Variants in EIF2B5 observed in about 807,000 individuals in gnomAD.
EIF2B5 encodes the protein translation initiation factor eIF2B subunit epsilon.
In EIF2B5, 38 loss-of-function variants were observed where a neutral mutation model predicts 87.3. The ratio of observed to expected loss-of-function variants is 0.44; its 90% CI spans 0.34 to 0.57. The LOEUF (loss-of-function observed/expected upper bound fraction) is 0.57, where lower values mean the gene tolerates loss of function less well. Among genes scored for constraint, EIF2B5 ranks in the 20% least tolerant of loss-of-function variants. EIF2B5 has a pLI of 0.02. For synonymous variants in EIF2B5, 313 were observed against 339.6 expected (o/e 0.92, Z 0.86); for missense variants, 784 against 909.5 (o/e 0.86, Z 1.78).
chr3:184,135,461 G>T lies in EIF2B5; in HGVS notation c.76G>T (p.Gly26Cys). The T allele has an allele frequency of 6.3e-7, 1 of 1,580,540 alleles. No homozygotes were observed. The highest frequency in any genetic ancestry group is 2.3e-5 in the East Asian group (1 of 43,752). The change falls in exon 1 of 16, where the codon GGC becomes TGC. Residue 26 changes from glycine (G) to cysteine (C), a missense_variant. Around this residue, in one of 3 missense-constraint regions of EIF2B5, gnomAD observed 117 missense variants for 101.0 expected, o/e 1.16. Coordinates refer to ENST00000648915, the MANE Select transcript of EIF2B5 (RefSeq NM_003907.3). ...CAAGCGCAGCGGCGCGGGGCCGGGA[G>T]GCAGCGGTGGCGGGGGAGCCAGAGG... ...ANKRSGAGPG[G>C]SGGGGARGAE...
chr3:184,143,876 G>T, intron 13 of EIF2B5: 1 of 736,694 alleles, frequency 1.4e-6, no homozygotes, highest in East Asian at 2.5e-5. Flanking sequence ...GGTGGGAATA[G>T]GTATTTTGAG....
chr3:184,144,042 G>A, intron 13 of EIF2B5, 57 bp from the exon 14 acceptor site: 1 of 1,613,444 alleles, frequency 6.2e-7, no homozygotes. Flanking sequence ...TTGCTTGGAT[G>A]TCCAGGTATA....
rs180808873 is a variant in EIF2B5 at position 184,144,616 on chromosome 3, A to G, written c.2015A>G (p.Gln672Arg). 3 of 1,614,160 alleles carry G rather than the reference A, an allele frequency of 1.9e-6. No homozygotes were observed. Among genetic ancestry groups the G allele is most frequent in the East Asian group, 4.5e-5 (2 of 44,882 alleles). ...TTGCAGGTACTGATGGCTTTCTACC[A>G]GCTGGAGATCCTGGCTGAGGAAACA... ...SMAKVLMAFY[Q>R]LEILAEETIL... The change falls in exon 15 of 16, where the codon CAG becomes CGG. Residue 672 changes from glutamine (Q) to arginine (R), a missense_variant. By Grantham distance (43) the Gln-to-Arg change is conservative. Coordinates refer to ENST00000648915, the MANE Select transcript of EIF2B5 (RefSeq NM_003907.3).
Position 184,140,748 on chromosome 3 carries a change from A to AT in EIF2B5, c.1156+19dup, listed in dbSNP as rs1475380072. The AT allele has an allele frequency of 6.2e-7, 1 of 1,613,610 alleles. No homozygotes were observed. The highest frequency in any genetic ancestry group is 1.1e-5 in the South Asian group (1 of 91,060). On this transcript the variant is annotated intron_variant, in intron 7 of 15. Transcript: ENST00000648915. ...CCACATTGGTGAGCACAGGTGGGGA[A>AT]TCAAGCCAACTATCCTAGGAACAGG...
chr3:184,140,205 G>T, intron 6 of EIF2B5, 48 bp downstream of exon 6: 1 of 1,562,904 alleles, frequency 6.4e-7, no homozygotes, highest in South Asian at 1.1e-5. Context: ...AGAAGGCTAT[G>T]ATTGTATCTC....
Position 184,142,153 on chromosome 3 carries a change from A to C in EIF2B5, c.1302+83A>C. 2 of 1,613,940 alleles carry C rather than the reference A, an allele frequency of 1.2e-6. No individual in the cohort carries two copies. Among genetic ancestry groups the C allele is most frequent in the Non-Finnish European group, 1.7e-6 (2 of 1,179,918 alleles). On this transcript the variant is annotated intron_variant, in intron 8 of 15. Transcript: ENST00000648915. This position sits in a 1 kb window ranked among gnomAD's most constrained non-coding sequence, Gnocchi z 5.0. ...CAGAAGGGGCATTATTTCCACCCAT[A>C]ATCCTGTCTAAAAAAGTTGCTCTCA... is the stretch of plus-strand genomic sequence containing the variant.
rs200443670 is a variant in EIF2B5 at position 184,138,008 on chromosome 3, A to C, written c.617A>C (p.Asp206Ala). Residue 206 changes from aspartate to alanine, a missense_variant, in exon 4 of 16, where the codon GAT becomes GCT. Transcript: ENST00000648915. ...GAAGACAATGTGGTAGTGGCTGTGG[A>C]TAGTACCACAAACAGGGTTCTCCAT... ...CHEDNVVVAVDSTTNRVLHFQ... is the reference protein window; with the variant it reads ...CHEDNVVVAVASTTNRVLHFQ... The C allele has an allele frequency of 1.1e-5, 18 of 1,614,006 alleles. No individual in the cohort carries two copies. The highest frequency in any genetic ancestry group is 1.5e-5 in the Non-Finnish European group (18 of 1,180,042).
At position 184,136,745 on chromosome 3, in the gene EIF2B5, C is replaced by T. The variant is rs116835002; in HGVS notation, c.320+9C>T. The T allele has an allele frequency of 1.4e-4, 234 of 1,614,158 alleles. 1 individual carries two copies. The African/African-American group carries it at 2.5e-3, about 17-fold the overall frequency. On this transcript the variant is annotated intron_variant, in intron 2 of 15. Transcript: ENST00000648915. ...ATCAAAGAACATTTACTGTAAGGCC[C>T]TGCAACTTTTCTTTCCATGTTTCGC...
At position 184,137,958 on chromosome 3, in the gene EIF2B5, C is replaced by T; in HGVS notation, c.567C>T (p.Ser189=). 6.2e-7 allele frequency: 1 copy of T among 1,614,160 alleles called. No homozygotes were observed. The part of the protein sequence containing the change: ...SVMTMIFKES[S]PSHPTRCHED... ...TGACGATGATCTTCAAGGAGTCATCCCCCAGCCACCCAACTCGTTGCCACG... is the reference window on the plus strand; with the variant it reads ...TGACGATGATCTTCAAGGAGTCATCTCCCAGCCACCCAACTCGTTGCCACG... The change falls in exon 4 of 16, where the codon TCC becomes TCT. Residue 189 remains serine, a synonymous_variant. Coordinates refer to ENST00000648915, the MANE Select transcript of EIF2B5 (RefSeq NM_003907.3).
intron 12 of EIF2B5, 127 bp downstream of exon 12, chr3:184,143,269 T>C (rs984535471): frequency 6.8e-7 from 1 of 1,463,236 alleles, no homozygotes; most frequent in African/African-American, 1.4e-5. Context: ...CAGTAGTATT[T>C]GGAGCAAGGA....
At chr3:184,144,548 T>C in intron 14 of EIF2B5, 49 bp from the exon 15 acceptor site, 1 of 1,534,328 alleles carries the variant, frequency 6.5e-7, no homozygotes, top group Non-Finnish European at 9.0e-7. Flanking sequence ...TAGAGTATCC[T>C]GCTGGACTTT....
intron 1 of EIF2B5, 57 bp from the exon 2 acceptor site, chr3:184,136,555 G>T: frequency 6.2e-7 from 1 of 1,610,320 alleles, no homozygotes; most frequent in Middle Eastern, 1.7e-4. Flanking sequence ...AATTGTTGCA[G>T]TGGGGTACCC....
rs184067742 is a variant in EIF2B5 at position 184,138,885 on chromosome 3, C to T, written c.765+639C>T. On this transcript the variant is annotated intron_variant, in intron 5 of 15. Transcript: ENST00000648915. ...CCATGTTGTCCGGCCTGGTCACGAA[C>T]TCCTGAGCTCAAGCAATCTGACCAC... 9.7e-4 allele frequency: 286 copies of T among 294,096 alleles called. 1 individual carries two copies. Among genetic ancestry groups the T allele is most frequent in the African/African-American group, 6.5e-3 (277 of 42,874 alleles). The allele number at this position is 294,096 out of a possible 1,614,324, so 18.2% of individuals were successfully genotyped here.
intron 2 of EIF2B5, chr3:184,137,200 G>A (rs530258802): frequency 5.0e-5 from 17 of 337,486 alleles, no homozygotes; most frequent in African/African-American, 2.8e-4. Context: ...CTAGGGAATC[G>A]CATTGCTTAT....
At chr3:184,139,270 ATTTTT>A (rs1196978595) in intron 5 of EIF2B5, among the ~76,000 whole-genome samples, 21 of 48,016 alleles carry the variant, frequency 4.4e-4, no homozygotes, top group African/African-American at 1.8e-3. Flanking sequence ...TGCACCCAGC[ATTTTT>A]TTTTTTTTTT....
chr3:184,143,407 G>T (rs979597118), intron 12 of EIF2B5, 35 bp from the exon 13 acceptor site: 2 of 1,614,124 alleles, frequency 1.2e-6, no homozygotes, highest in Non-Finnish European at 1.7e-6. Flanking sequence ...TGAAAGGCCA[G>T]TGAAGGCCCT....
chr3:184,136,114 A>T (rs577841703), intron 1 of EIF2B5, among the ~76,000 whole-genome samples: 1 of 152,266 alleles, frequency 6.6e-6, no homozygotes, highest in South Asian at 2.1e-4. Flanking sequence ...TATTGGACTC[A>T]GCTGGGTCGT....
At chr3:184,141,503 G>A (rs1713632832) in intron 7 of EIF2B5, among the ~76,000 whole-genome samples, 1 of 152,122 alleles carries the variant, frequency 6.6e-6, no homozygotes, top group Non-Finnish European at 1.5e-5. Context: ...CAGAGGTCGA[G>A]GGTGCAGTGA....
Position 184,135,459 on chromosome 3 carries a change from G to C in EIF2B5, c.74G>C (p.Gly25Ala). Residue 25 changes from glycine to alanine, a missense_variant, in exon 1 of 16, where the codon GGA (glycine) becomes GCA (alanine). Physicochemically the swap from Gly to Ala is moderately conservative, Grantham distance 60. Coordinates refer to ENST00000648915, the MANE Select transcript of EIF2B5 (RefSeq NM_003907.3). ...AACAAGCGCAGCGGCGCGGGGCCGG[G>C]AGGCAGCGGTGGCGGGGGAGCCAGA... ...RANKRSGAGP[G>A]GSGGGGARGA... is the part of the protein sequence containing the mutation. 2 of 1,581,582 alleles carry C rather than the reference G, an allele frequency of 1.3e-6. No homozygotes were observed. Among genetic ancestry groups the C allele is most frequent in the Non-Finnish European group, 1.7e-6 (2 of 1,164,734 alleles).
Sources: gnomAD v4.1 joint callset for allele counts (sites outside exome capture counted in the v4.1 genomes callset) on GRCh38, gnomAD v4.1.1 for gene constraint, gnomAD v4.1.1 regional missense constraint, Gnocchi (gnomAD v3.1) non-coding constraint, MANE v1.5 for transcripts, NCBI Gene and HGNC (gene_info 2026-07-23, HGNC 2026-07-21) for gene names.